The following PORCN variants were observed in gnomAD, a reference collection of about 807,000 sequenced individuals.
PORCN encodes the protein protein-serine O-palmitoleoyltransferase porcupine.
A neutral mutation model predicts 43.0 loss-of-function variants in PORCN; 1 was observed. That is an observed-to-expected ratio of 0.02 (90% confidence interval 0.01 to 0.11). PORCN has a LOEUF of 0.11. Among genes scored for constraint, PORCN ranks in the 10% least tolerant of loss-of-function variants. The pLI is 1.00. For synonymous variants in PORCN, 148 were observed against 166.4 expected (o/e 0.89, Z 0.85); for missense variants, 240 against 392.1 (o/e 0.61, Z 3.28).
At chrX:48,514,733 A>T in intron 10 of PORCN, 108 bp downstream of exon 10, 2 of 611,813 alleles carry the variant, frequency 3.3e-6, no homozygotes, top group South Asian at 4.7e-5. Context: ...CAAAATCCCT[A>T]CCCTTGTCGA....
At position 48,517,143 on chromosome X, in the gene PORCN, G is replaced by A. The variant is rs781949745; in HGVS notation, c.1174-40G>A. ...TGCAGGAGGAGGTGGGACACAGTGA[G>A]TAGGTCCAGTTGCCAAGTATATCCA... On this transcript the variant is annotated intron_variant, in intron 13 of 14. Transcript: ENST00000326194. 3.7e-5 allele frequency: 38 copies of A among 1,030,077 alleles called. No homozygotes were observed. The South Asian group carries it at 7.2e-4, about 20-fold the overall frequency. 84.9% of individuals were successfully genotyped at this position (1,030,077 alleles called of 1,213,427 possible).
intron 2 of PORCN, among the ~76,000 whole-genome samples, chrX:48,510,663 GA>G (rs2061667862): frequency 9.0e-6 from 1 of 111,537 alleles, no homozygotes; most frequent in Non-Finnish European, 1.9e-5. Flanking sequence ...CTGAAATGTT[GA>G]AAAAATAGTA....
intron 11 of PORCN, 34 bp downstream of exon 11, chrX:48,515,827 TGGGTGG>T: frequency 1.0e-6 from 1 of 989,449 alleles, no homozygotes; most frequent in Non-Finnish European, 1.4e-6. Flanking sequence ...GGGTGGAAGC[TGGGTGG>T]GGGCGGGTGG....
chrX:48,516,209 T>C, intron 13 of PORCN, 63 bp downstream of exon 13: 1 of 1,058,716 alleles, frequency 9.4e-7, no homozygotes, highest in Non-Finnish European at 1.3e-6. Flanking sequence ...TCCTTCTATC[T>C]CTATCTTGTA....
intron 14 of PORCN, among the ~76,000 whole-genome samples, chrX:48,518,752 CTT>C (rs1353029293): frequency 9.0e-6 from 1 of 110,931 alleles, no homozygotes; most frequent in Non-Finnish European, 1.9e-5. Context: ...AAAAACAAAA[CTT>C]TGTGTTTTTT....
chrX:48,509,854 C>A lies in PORCN; in HGVS notation c.34C>A (p.Gln12Lys). Residue 12 changes from glutamine to lysine, a missense_variant, in exon 2 of 15, where the codon CAG (glutamine) becomes AAG (lysine). By Grantham distance (53) the Gln-to-Lys change is moderately conservative. Transcript: ENST00000326194. ...ATFSRQEFFQ[Q>K]LLQGCLLPTA... is the part of the protein sequence containing the mutation. Reference sequence around the variant, plus strand: ...CTTTAGCCGCCAGGAATTTTTCCAGCAGCTACTGCAAGGCTGTCTCCTGCC... The same window carrying A: ...CTTTAGCCGCCAGGAATTTTTCCAGAAGCTACTGCAAGGCTGTCTCCTGCC... The A allele has an allele frequency of 8.3e-7, 1 of 1,211,747 alleles. No individual in the cohort carries two copies. The highest frequency in any genetic ancestry group is 1.1e-6 in the Non-Finnish European group (1 of 895,306).
intron 14 of PORCN, among the ~76,000 whole-genome samples, chrX:48,518,849 C>G (rs1232739634): frequency 1.8e-5 from 2 of 108,469 alleles, no homozygotes; most frequent in African/African-American, 6.7e-5. Context: ...CGGTCTCACT[C>G]TGTTACCCAG....
At chrX:48,514,059 G>T in intron 7 of PORCN, 68 bp from the exon 8 acceptor site, 2 of 1,157,352 alleles carry the variant, frequency 1.7e-6, no homozygotes, top group Non-Finnish European at 2.4e-6. Flanking sequence ...ATTCAGACCA[G>T]CCTCCAGGGC....
At chrX:48,518,611 T>A (rs1372310920) in intron 14 of PORCN, among the ~76,000 whole-genome samples, 6 of 112,403 alleles carry the variant, frequency 5.3e-5, no homozygotes, top group Admixed American at 9.5e-5. Context: ...ATGCACTATT[T>A]TTGTTCATGT....
intron 2 of PORCN, 71 bp from the exon 3 acceptor site, chrX:48,511,216 CCCTCCCTT>C: frequency 2.2e-6 from 1 of 446,789 alleles, no homozygotes; most frequent in Non-Finnish European, 4.2e-6. Context: ...CTCCCTCCCT[CCCTCCCTT>C]CCTCCCACTC....
rs781893820 is a variant in PORCN at position 48,509,333 on chromosome X, A to G, written c.-38+230A>G. On this transcript the variant is annotated intron_variant, in intron 1 of 14. Coordinates refer to ENST00000326194, the MANE Select transcript of PORCN (RefSeq NM_203475.3). ...ATGGGGGGCGCGGAGGATACAGGACACCCCCCCTCCCCGTGCCGCCGCATC... is the reference window on the plus strand; with the variant it reads ...ATGGGGGGCGCGGAGGATACAGGACGCCCCCCCTCCCCGTGCCGCCGCATC... 227 of 262,180 alleles carry G rather than the reference A, an allele frequency of 8.7e-4. 2 individuals are homozygous for G. Among genetic ancestry groups the G allele is most frequent in the South Asian group, 8.5e-3 (217 of 25,461 alleles). 21.6% of individuals were successfully genotyped at this position (262,180 alleles called of 1,213,427 possible).
chrX:48,517,977 C>A (rs2147142375), intron 14 of PORCN, among the ~76,000 whole-genome samples: 1 of 108,016 alleles, frequency 9.3e-6, no homozygotes, highest in Admixed American at 1.0e-4. Context: ...GGTGTGATCA[C>A]GGCCCACTGC....
At chrX:48,511,144 C>G (rs1474985477) in intron 2 of PORCN, 151 bp from the exon 3 acceptor site, 2 of 540,744 alleles carry the variant, frequency 3.7e-6, no homozygotes, top group Non-Finnish European at 6.3e-6. Flanking sequence ...CGCCCTCTAC[C>G]CAGGTCATCC....
rs1214326147 is a variant in PORCN at position 48,519,633 on chromosome X, TG to T, written c.1285-741del. ...TTTGTGCTCTCCCACCAGCAATGCC[TG>T]AATGTGCCTGCTGCCCCACCAGTAC... On this transcript the variant is annotated intron_variant, in intron 14 of 14. Coordinates refer to ENST00000326194, the MANE Select transcript of PORCN (RefSeq NM_203475.3). 8.0e-5 allele frequency among the ~76,000 whole-genome samples: 9 copies of T among 112,180 alleles called. No homozygotes were observed. The East Asian group carries it at 2.2e-3, about 28-fold the overall frequency.
At chrX:48,517,360 G>A in intron 14 of PORCN, 67 bp downstream of exon 14, 2 of 808,771 alleles carry the variant, frequency 2.5e-6, no homozygotes, top group Non-Finnish European at 3.7e-6. Flanking sequence ...GAAACCATGA[G>A]GACAAAGGCT....
chrX:48,509,837 G>T lies in PORCN; in HGVS notation c.17G>T (p.Arg6Leu). ...GGGTCTGCAATGGCCACCTTTAGCC[G>T]CCAGGAATTTTTCCAGCAGCTACTG... MATFS[R>L]QEFFQQLLQG... The change falls in exon 2 of 15, where the codon CGC (arginine) becomes CTC (leucine). Residue 6 changes from arginine (R) to leucine (L), a missense_variant. Transcript: ENST00000326194. The T allele has an allele frequency of 8.3e-7, 1 of 1,211,189 alleles. No homozygotes were observed. The highest frequency in any genetic ancestry group is 1.1e-6 in the Non-Finnish European group (1 of 895,081).
intron 4 of PORCN, 158 bp downstream of exon 4, chrX:48,512,093 T>C: frequency 1.8e-6 from 1 of 550,074 alleles, no homozygotes; most frequent in Middle Eastern, 5.0e-4. Flanking sequence ...CCGTGTCTCT[T>C]TCCACCGTGC....
intron 14 of PORCN, 82 bp from the exon 15 acceptor site, chrX:48,520,293 A>G: frequency 2.6e-6 from 2 of 768,268 alleles, no homozygotes; most frequent in Non-Finnish European, 4.0e-6. Flanking sequence ...AGTCACAGAA[A>G]TGTCCTTGGG....
rs1467271800 is a variant in PORCN at position 48,517,062 on chromosome X, T to C, written c.1174-121T>C. 3 of 537,854 alleles carry C rather than the reference T, an allele frequency of 5.6e-6. No homozygotes were observed. In the African/African-American group the frequency reaches 6.9e-5, roughly 12 times the overall value. 44.3% of individuals were successfully genotyped at this position (537,854 alleles called of 1,213,427 possible). ...CTCTTCCCTATCTCAGGGGGTACCCTGGGCATCCTCAGTCCTGGAACCCAC... is the reference window on the plus strand; with the variant it reads ...CTCTTCCCTATCTCAGGGGGTACCCCGGGCATCCTCAGTCCTGGAACCCAC... On this transcript the variant is annotated intron_variant, in intron 13 of 14. Transcript: ENST00000326194.
Sources: gnomAD v4.1 joint callset for allele counts (sites outside exome capture counted in the v4.1 genomes callset) on GRCh38, gnomAD v4.1.1 for gene constraint, MANE v1.5 for transcripts, NCBI Gene and HGNC (gene_info 2026-07-23, HGNC 2026-07-21) for gene names.